Variants in C17orf99 observed in about 807,000 individuals in gnomAD.
C17orf99 encodes the protein chromosome 17 open reading frame 99, also known as protein IL-40.
Under a neutral mutation model 22.6 loss-of-function variants are expected in C17orf99, and 18 were observed. That is an observed-to-expected ratio of 0.80 (90% CI 0.55 to 1.18). The LOEUF (loss-of-function observed/expected upper bound fraction) is 1.18. C17orf99 is among the 50% of genes most tolerant of loss of function. The pLI is 0.00. For synonymous variants in C17orf99, 147 were observed against 136.6 expected, an observed-to-expected ratio of 1.08 and a Z score of -0.53; for missense variants, 328 against 342.7, an observed-to-expected ratio of 0.96 and a Z score of 0.34.
intron 2 of C17orf99, chr17:78,159,928 C>T: frequency 2.5e-6 from 1 of 393,968 alleles, no homozygotes. Flanking sequence ...AGTAATATTC[C>T]TTATATGGAT....
chr17:78,149,958 C>G (rs1186195497), intron 2 of C17orf99, among the ~76,000 whole-genome samples: 1 of 151,968 alleles, frequency 6.6e-6, no homozygotes. Flanking sequence ...ATCTGCCCAC[C>G]TTGGCCTCCC....
At chr17:78,145,884 C>T (rs2145762822), upstream of C17orf99, among the ~76,000 whole-genome samples, 1 of 151,528 alleles carries the variant, frequency 6.6e-6, no homozygotes, top group East Asian at 1.9e-4. Context: ...CAACCTCCGC[C>T]TCCTGGGTTC....
At chr17:78,157,954 A>G (rs2075541681) in intron 2 of C17orf99, 2 of 1,182,212 alleles carry the variant, frequency 1.7e-6, no homozygotes, top group Non-Finnish European at 2.5e-6. Context: ...AGAAATATGG[A>G]GATATCTGCC....
intron 2 of C17orf99, among the ~76,000 whole-genome samples, chr17:78,157,156 T>A (rs1049869275): frequency 6.7e-6 from 1 of 149,896 alleles, no homozygotes; most frequent in Non-Finnish European, 1.5e-5. Flanking sequence ...ATAGTGAAAC[T>A]CCGTCTCTAC....
chr17:78,157,573 C>A, intron 2 of C17orf99: 2 of 666,870 alleles, frequency 3.0e-6, no homozygotes, highest in Non-Finnish European at 2.3e-6. Flanking sequence ...CCGAGGCAGG[C>A]GGATCACAAG....
chr17:78,151,250 C>G (rs924438427), intron 2 of C17orf99, among the ~76,000 whole-genome samples: 7 of 151,622 alleles, frequency 4.6e-5, no homozygotes, highest in African/African-American at 1.7e-4. Flanking sequence ...CATGCGGAAA[C>G]CCTGTCTCTA....
Position 78,161,263 on chromosome 17 carries a change from G to A in C17orf99, c.370+9G>A, listed in dbSNP as rs756788145. ...CTGGGAGCTGTGGTCCAGTGAGTGC[G>A]GTGGGGGGCACAGGGCTGAGGAGGC... On this transcript the variant is annotated intron_variant, in intron 3 of 4. Transcript: ENST00000340363. 93 of 1,550,064 alleles carry A rather than the reference G, an allele frequency of 6.0e-5. No individual in the cohort carries two copies. The South Asian group carries it at 8.8e-4, about 15-fold the overall frequency.
At chr17:78,151,055 G>A (rs536149873) in intron 2 of C17orf99, among the ~76,000 whole-genome samples, 7 of 151,874 alleles carry the variant, frequency 4.6e-5, no homozygotes, top group African/African-American at 1.7e-4. Context: ...CCCGGGAGGC[G>A]GAGGTTGCAG....
chr17:78,157,380 G>T (rs2075534937), intron 2 of C17orf99: 2 of 1,150,044 alleles, frequency 1.7e-6, no homozygotes, highest in Non-Finnish European at 2.4e-6. Flanking sequence ...AGTGGACAGG[G>T]TTGAGTCAGT....
At chr17:78,157,326 A>AACAGCGGCGGCG in intron 2 of C17orf99, 1 of 593,926 alleles carries the variant, frequency 1.7e-6, no homozygotes, top group South Asian at 1.7e-5. Context: ...ACCTGTGTTC[A>AACAGCGGCGGCG]GCAGCGGCGG....
rs2075571490 is a variant in C17orf99, at chr17:78,161,039, C to T, written c.155C>T (p.Pro52Leu). The change falls in exon 3 of 5, where the codon CCC becomes CTC. Residue 52 changes from proline to leucine, a missense_variant. By Grantham distance (98) the Pro-to-Leu change is moderately conservative. Coordinates refer to ENST00000340363, the MANE Select transcript of C17orf99 (RefSeq NM_001163075.2). ...GRWVLITCCA[P>L]QPPPPITYSL... ...TGGGTGCTCATAACCTGCTGTGCAC[C>T]CCAGCCACCACCGCCCATCACCTAT... 2 of 1,551,620 alleles carry T rather than the reference C, an allele frequency of 1.3e-6. No homozygotes were observed. Among genetic ancestry groups the T allele is most frequent in the African/African-American group, 2.7e-5 (2 of 73,128 alleles).
At chr17:78,161,643 A>G (rs1443948611) in intron 3 of C17orf99, among the ~76,000 whole-genome samples, 3 of 152,146 alleles carry the variant, frequency 2.0e-5, no homozygotes, top group Non-Finnish European at 4.4e-5. Context: ...CAGGAGTTCG[A>G]TACCAGCCTG....
At chr17:78,156,716 G>A (rs1254565327) in intron 2 of C17orf99, among the ~76,000 whole-genome samples, 1 of 152,170 alleles carries the variant, frequency 6.6e-6, no homozygotes, top group East Asian at 1.9e-4. Context: ...GCTCAAGTAA[G>A]TGATCCTCTC....
chr17:78,149,225 G>A (rs140896427), intron 2 of C17orf99, among the ~76,000 whole-genome samples: 5 of 151,220 alleles, frequency 3.3e-5, no homozygotes, highest in South Asian at 2.1e-4. Flanking sequence ...CCAGCTACTC[G>A]GGAGGCTGAG....
At chr17:78,161,827 G>A (rs540775853) in intron 3 of C17orf99, among the ~76,000 whole-genome samples, 1 of 149,260 alleles carries the variant, frequency 6.7e-6, no homozygotes, top group Non-Finnish European at 1.5e-5. Context: ...CTGGGTAACA[G>A]AGCGTCTCCA....
chr17:78,165,677 C>A, intron 4 of C17orf99: 1 of 911,558 alleles, frequency 1.1e-6, no homozygotes, highest in Non-Finnish European at 1.4e-6. Flanking sequence ...TGGTGCGCAC[C>A]TGTAGTCCCA....
In C17orf99 at chr17:78,161,154, G is replaced by A; in HGVS notation, c.270G>A (p.Lys90=). 6.4e-7 allele frequency: 1 copy of A among 1,551,758 alleles called. No homozygotes were observed. Among genetic ancestry groups the A allele is most frequent in the South Asian group, 1.2e-5 (1 of 84,060 alleles). The change falls in exon 3 of 5, where the codon AAG becomes AAA. Residue 90 remains lysine (K), a synonymous_variant. Coordinates refer to ENST00000340363, the MANE Select transcript of C17orf99 (RefSeq NM_001163075.2). ...PASFNLNVTL[K]SSPDLLTYFC... is the part of the protein sequence containing the mutation. Reference sequence around the variant, plus strand: ...CCTTCAACCTCAACGTCACACTCAAGTCCAGTCCAGACCTGCTCACCTACT... The same window carrying A: ...CCTTCAACCTCAACGTCACACTCAAATCCAGTCCAGACCTGCTCACCTACT...
chr17:78,151,111 A>C (rs1335236842), intron 2 of C17orf99, among the ~76,000 whole-genome samples: 4 of 150,694 alleles, frequency 2.7e-5, no homozygotes, highest in Non-Finnish European at 5.9e-5. Context: ...CGACAGAGTG[A>C]GACTCTGTCT....
intron 3 of C17orf99, among the ~76,000 whole-genome samples, chr17:78,161,722 T>C (rs2075578291): frequency 6.6e-6 from 1 of 151,476 alleles, no homozygotes; most frequent in Non-Finnish European, 1.5e-5. Flanking sequence ...GGTGCACCTG[T>C]AGTTCCAGCT....
Sources: allele counts gnomAD v4.1 joint callset (sites outside exome capture counted in the v4.1 genomes callset), GRCh38; gene constraint gnomAD v4.1.1; transcripts MANE v1.5; gene names NCBI Gene and HGNC (gene_info 2026-07-23, HGNC 2026-07-21).